The following MACROD2 variants were observed in gnomAD, a reference collection of about 807,000 sequenced individuals.
MACROD2 encodes the protein mono-ADP ribosylhydrolase 2.
A neutral mutation model predicts 70.4 loss-of-function variants in MACROD2; 36 were observed. That is an observed-to-expected ratio of 0.51 (90% CI 0.39 to 0.68). The LOEUF (loss-of-function observed/expected upper bound fraction) is 0.68. MACROD2 is among the 30% of genes least tolerant of loss of function. The probability of loss-of-function intolerance (pLI) is 0.00; values close to 1 mark genes in which losing one functional copy is unlikely to be tolerated. For missense variants in MACROD2, 496 were observed against 538.4 expected, an observed-to-expected ratio of 0.92 and a Z score of 0.78; for synonymous variants, 172 against 178.8, an observed-to-expected ratio of 0.96 and a Z score of 0.30.
At chr20:15,959,734 A>G (rs955987363) in intron 12 of MACROD2, among the ~76,000 whole-genome samples, 4 of 151,944 alleles carry the variant, frequency 2.6e-5, no homozygotes, top group African/African-American at 9.7e-5. Context: ...GGGTTTCACT[A>G]TGTTGACCAG....
At chr20:15,395,134 T>A (rs907012510) in intron 6 of MACROD2, among the ~76,000 whole-genome samples, 2 of 152,212 alleles carry the variant, frequency 1.3e-5, no homozygotes, top group Non-Finnish European at 2.9e-5. Flanking sequence ...AGTAAAATCC[T>A]GGAAAAGATG....
At chr20:15,957,465 G>A (rs772509332) in intron 12 of MACROD2, among the ~76,000 whole-genome samples, 5 of 152,080 alleles carry the variant, frequency 3.3e-5, no homozygotes, top group Non-Finnish European at 7.4e-5. Context: ...TCTCTAGGTT[G>A]GAGCATAAAC....
chr20:13,997,731 C>T (rs1032602122), intron 1 of MACROD2, among the ~76,000 whole-genome samples: 31 of 152,086 alleles, frequency 2.0e-4, no homozygotes, highest in African/African-American at 6.5e-4. Context: ...TTATCCAAAA[C>T]TAAGTTATTT....
intron 10 of MACROD2, among the ~76,000 whole-genome samples, chr20:15,901,058 A>T (rs1470483806): frequency 6.6e-6 from 1 of 152,152 alleles, no homozygotes; most frequent in Non-Finnish European, 1.5e-5. Context: ...ATTCCTTTTA[A>T]TGTGAACAAA....
chr20:14,279,446 T>A (rs1369011083), intron 3 of MACROD2, among the ~76,000 whole-genome samples: 1 of 152,034 alleles, frequency 6.6e-6, no homozygotes, highest in African/African-American at 2.4e-5. Flanking sequence ...TTAAGTTGAT[T>A]TTTTTTTCTT....
chr20:14,129,387 A>G (rs149631536), intron 3 of MACROD2, among the ~76,000 whole-genome samples: 3 of 152,384 alleles, frequency 2.0e-5, no homozygotes, highest in East Asian at 1.9e-4. Context: ...AATTATTTCA[A>G]TCTTGCAATA....
At chr20:14,856,446 A>G (rs957937429) in intron 5 of MACROD2, among the ~76,000 whole-genome samples, 9 of 152,220 alleles carry the variant, frequency 5.9e-5, no homozygotes, top group Admixed American at 5.9e-4. Flanking sequence ...AACTATGCAT[A>G]CACAAACACG....
chr20:14,887,307 A>G (rs1447055301), intron 5 of MACROD2, among the ~76,000 whole-genome samples: 1 of 152,152 alleles, frequency 6.6e-6, no homozygotes, highest in Non-Finnish European at 1.5e-5. Flanking sequence ...TGGTGAGGAA[A>G]TAAATACCTC....
chr20:15,305,806 C>T (rs755226941), intron 6 of MACROD2, among the ~76,000 whole-genome samples: 2 of 152,004 alleles, frequency 1.3e-5, no homozygotes, highest in Non-Finnish European at 2.9e-5. Context: ...AAATTTGAAC[C>T]CTTTCCACTC....
chr20:15,171,632 T>C (rs1316240898), intron 5 of MACROD2, among the ~76,000 whole-genome samples: 1 of 152,042 alleles, frequency 6.6e-6, no homozygotes, highest in Non-Finnish European at 1.5e-5. Context: ...TCTCTCTCTC[T>C]CCCCTCTCTT....
intron 3 of MACROD2, among the ~76,000 whole-genome samples, chr20:14,245,777 C>T (rs372290500): frequency 1.1e-4 from 16 of 152,112 alleles, no homozygotes; most frequent in African/African-American, 3.9e-4. Flanking sequence ...TTGCCATCAC[C>T]TCTACCCCTA....
rs547230369 is a variant in MACROD2 at position 14,021,103 on chromosome 20, C to T, written c.163+18699C>T. Among the ~76,000 whole-genome samples, 30 of 151,222 alleles carry T rather than the reference C, an allele frequency of 2.0e-4. No individual in the cohort carries two copies. In the South Asian group the frequency reaches 2.1e-3, roughly 10 times the overall value. ...CTCCCAGGTTCACACCATTCTCCTG[C>T]CTCAGCCTCCCGAGTAGCTGGGACT... On this transcript the variant is annotated intron_variant, in intron 2 of 17. Transcript: ENST00000684519.
chr20:14,187,538 G>T (rs1018666258), intron 3 of MACROD2, among the ~76,000 whole-genome samples: 3 of 152,144 alleles, frequency 2.0e-5, no homozygotes, highest in Admixed American at 2.0e-4. Context: ...CTATCATGAA[G>T]TAATTTCAGA....
intron 4 of MACROD2, among the ~76,000 whole-genome samples, chr20:14,661,672 G>C (rs758277471): frequency 1.5e-4 from 22 of 150,804 alleles, no homozygotes; most frequent in Middle Eastern, 3.4e-3. Context: ...TCTAGGTAGA[G>C]CAAAACTTTA....
At chr20:15,347,782 C>T (rs1055091990) in intron 6 of MACROD2, among the ~76,000 whole-genome samples, 2 of 151,978 alleles carry the variant, frequency 1.3e-5, no homozygotes, top group African/African-American at 4.8e-5. Context: ...TTTGTTTTTT[C>T]CACTAGTACA....
Position 14,960,277 on chromosome 20 carries a change from C to T in MACROD2, c.419-269663C>T, listed in dbSNP as rs1350447104. ...ATTATTCAGCACATGTTGAAATGAG[C>T]ATCATCGGAGCTACCACTCCCTGGA... On this transcript the variant is annotated intron_variant, in intron 5 of 17. Coordinates refer to ENST00000684519, the MANE Select transcript of MACROD2 (RefSeq NM_001351661.2). 2.0e-5 allele frequency among the ~76,000 whole-genome samples: 3 copies of T among 152,178 alleles called. 1 individual carries two copies. Among genetic ancestry groups the T allele is most frequent in the African/African-American group, 7.2e-5 (3 of 41,438 alleles).
Position 15,116,448 on chromosome 20 carries a change from G to C in MACROD2, c.419-113492G>C, listed in dbSNP as rs553254556. 4.6e-5 allele frequency among the ~76,000 whole-genome samples: 7 copies of C among 152,204 alleles called. No homozygotes were observed. The South Asian group carries it at 1.2e-3, about 27-fold the overall frequency. On this transcript the variant is annotated intron_variant, in intron 5 of 17. Coordinates refer to ENST00000684519, the MANE Select transcript of MACROD2 (RefSeq NM_001351661.2). The stretch of plus-strand genomic sequence containing the variant: ...ACTTGAGGTTGGGAGTTCGACACCA[G>C]CCTGATCAACATAGAGAAACCCCAT...
chr20:15,913,147 G>A (rs979096255), intron 10 of MACROD2, among the ~76,000 whole-genome samples: 6 of 151,864 alleles, frequency 4.0e-5, no homozygotes, highest in African/African-American at 1.2e-4. Flanking sequence ...TTCAAAAATG[G>A]TAGCTATTAT....
intron 2 of MACROD2, among the ~76,000 whole-genome samples, chr20:14,083,222 A>AG (rs1333132005): frequency 6.6e-6 from 1 of 151,244 alleles, no homozygotes; most frequent in African/African-American, 2.4e-5. Flanking sequence ...ACCTGAGGTC[A>AG]GGAGTTCAAG....
Sources: allele counts gnomAD v4.1 joint callset (sites outside exome capture counted in the v4.1 genomes callset), GRCh38; gene constraint gnomAD v4.1.1; transcripts MANE v1.5; gene names NCBI Gene and HGNC (gene_info 2026-07-23, HGNC 2026-07-21).